TEX2: variants seen among roughly 807,000 people sequenced by gnomAD.
TEX2 encodes testis-expressed protein 2.
A neutral mutation model predicts 106.9 loss-of-function variants in TEX2; 53 were observed. The observed-to-expected ratio is 0.50, with a 90% CI of 0.40 to 0.62. The LOEUF (loss-of-function observed/expected upper bound fraction) is 0.62. Ranked by LOEUF, TEX2 falls within the 20% of genes least tolerant of loss-of-function variation. The pLI is 0.00. For missense variants in TEX2, 1,207 were observed against 1,379.0 expected (o/e 0.88, Z 1.98); for synonymous variants, 523 against 534.8 (o/e 0.98, Z 0.30).
At chr17:64,197,520 G>A (rs974096656) in intron 2 of TEX2, among the ~76,000 whole-genome samples, 11 of 151,660 alleles carry the variant, frequency 7.3e-5, no homozygotes, top group Admixed American at 2.6e-4. Context: ...CTTTCTTTTC[G>A]TATGTATGTA....
In TEX2 at chr17:64,214,214, T is replaced by C; in HGVS notation, c.4A>G (p.Thr2Ala). 6.2e-7 allele frequency: 1 copy of C among 1,610,552 alleles called. No individual in the cohort carries two copies. The highest frequency in any genetic ancestry group is 8.5e-7 in the Non-Finnish European group (1 of 1,177,032). The change falls in exon 2 of 12, where the codon ACA becomes GCA. Residue 2 changes from threonine to alanine, a missense_variant. This residue lies in a region of TEX2 where 1,067 missense variants were observed against 1,193.6 expected (regional missense o/e 0.89). Transcript: ENST00000584379. Reference sequence around the variant, plus strand: ...TCGGCATGGCGACCATACAGACTTGTCATTGCCGGCTTCACAAGGGCTCAG... The same window carrying C: ...TCGGCATGGCGACCATACAGACTTGCCATTGCCGGCTTCACAAGGGCTCAG... M[T>A]SLYGRHAEKT...
chr17:64,208,865 G>T (rs1261761501), intron 2 of TEX2, among the ~76,000 whole-genome samples: 1 of 152,152 alleles, frequency 6.6e-6, no homozygotes, highest in Non-Finnish European at 1.5e-5. Context: ...GGCTTCAGGT[G>T]ATCCTTCTGC....
intron 2 of TEX2, among the ~76,000 whole-genome samples, chr17:64,208,466 C>G (rs745343237): frequency 1.9e-4 from 29 of 152,006 alleles, no homozygotes; most frequent in Non-Finnish European, 3.5e-4. Flanking sequence ...TCTTGAACTC[C>G]TGACCTCAAG....
intron 7 of TEX2, among the ~76,000 whole-genome samples, chr17:64,161,551 A>G (rs1274990788): frequency 6.6e-6 from 1 of 152,208 alleles, no homozygotes; most frequent in Non-Finnish European, 1.5e-5. Flanking sequence ...TCCCAGGATT[A>G]TCCAGATACA....
intron 2 of TEX2, among the ~76,000 whole-genome samples, chr17:64,207,840 A>G (rs372243014): frequency 6.6e-6 from 1 of 150,792 alleles, no homozygotes; most frequent in Non-Finnish European, 1.5e-5. Flanking sequence ...GGTTCACGCC[A>G]TTCTCCTGCC....
intron 1 of TEX2, among the ~76,000 whole-genome samples, chr17:64,216,798 C>T (rs1363303645): frequency 6.6e-6 from 1 of 152,184 alleles, no homozygotes; most frequent in Non-Finnish European, 1.5e-5. Flanking sequence ...CTTGGGCCCC[C>T]TGACTGGCCA....
intron 5 of TEX2, among the ~76,000 whole-genome samples, chr17:64,180,140 C>CCTGG (rs926829412): frequency 9.9e-5 from 15 of 152,180 alleles, no homozygotes; most frequent in African/African-American, 3.6e-4. Context: ...GCAATGACCA[C>CCTGG]CTGGCCCCTC....
chr17:64,156,655 C>A (rs1243230995), intron 8 of TEX2, among the ~76,000 whole-genome samples: 1 of 152,226 alleles, frequency 6.6e-6, no homozygotes, highest in Non-Finnish European at 1.5e-5. Flanking sequence ...CCCCAAAGAT[C>A]ACACGCCCCT....
chr17:64,154,264 T>C (rs2030503409), intron 9 of TEX2, among the ~76,000 whole-genome samples: 1 of 152,380 alleles, frequency 6.6e-6, no homozygotes, highest in East Asian at 1.9e-4. Flanking sequence ...TGGCTTCTTT[T>C]AGTTTCTTCA....
At chr17:64,227,391 G>A (rs1465281875) in intron 1 of TEX2, among the ~76,000 whole-genome samples, 1 of 151,916 alleles carries the variant, frequency 6.6e-6, no homozygotes, top group Non-Finnish European at 1.5e-5. Flanking sequence ...AAAAAGGAGA[G>A]GGTAGCATTA....
intron 7 of TEX2, among the ~76,000 whole-genome samples, chr17:64,165,071 T>A (rs73992994): frequency 6.6e-6 from 1 of 152,160 alleles, no homozygotes; most frequent in African/African-American, 2.4e-5. Flanking sequence ...CCTGTAACTA[T>A]TAACAGCTGA....
intron 1 of TEX2, among the ~76,000 whole-genome samples, chr17:64,245,554 G>A (rs1405649971): frequency 6.6e-6 from 1 of 152,146 alleles, no homozygotes; most frequent in Non-Finnish European, 1.5e-5. Flanking sequence ...ATTGAACAAT[G>A]CCCTTAAAAA....
intron 1 of TEX2, among the ~76,000 whole-genome samples, chr17:64,227,865 G>T (rs1259180112): frequency 6.6e-6 from 1 of 152,168 alleles, no homozygotes; most frequent in African/African-American, 2.4e-5. Flanking sequence ...CATGATCCCT[G>T]GCACAGAGCA....
At chr17:64,228,566 C>T (rs934739350) in intron 1 of TEX2, among the ~76,000 whole-genome samples, 3 of 152,096 alleles carry the variant, frequency 2.0e-5, no homozygotes, top group Non-Finnish European at 2.9e-5. Flanking sequence ...AGAATCTGTG[C>T]CGCTACTGAT....
intron 1 of TEX2, among the ~76,000 whole-genome samples, chr17:64,235,899 A>G (rs2033756043): frequency 6.6e-6 from 1 of 152,140 alleles, no homozygotes; most frequent in South Asian, 2.1e-4. Context: ...TTACCGAGAC[A>G]CAAACAAGCT....
At chr17:64,237,907 C>A (rs1371110811) in intron 1 of TEX2, among the ~76,000 whole-genome samples, 1 of 152,144 alleles carries the variant, frequency 6.6e-6, no homozygotes, top group Non-Finnish European at 1.5e-5. Flanking sequence ...TTACAAATAA[C>A]CTACAACCAG....
intron 1 of TEX2, among the ~76,000 whole-genome samples, chr17:64,224,807 G>A (rs958641236): frequency 6.6e-6 from 1 of 151,934 alleles, no homozygotes; most frequent in Non-Finnish European, 1.5e-5. Flanking sequence ...AATACAATTA[G>A]AATTTTGCTT....
chr17:64,261,028 A>G (rs1284170940), intron 1 of TEX2, among the ~76,000 whole-genome samples: 2 of 152,232 alleles, frequency 1.3e-5, no homozygotes, highest in Non-Finnish European at 2.9e-5. Flanking sequence ...TTGAAGATTC[A>G]CTTTGATACT....
chr17:64,243,120 G>A (rs1384030640), intron 1 of TEX2, among the ~76,000 whole-genome samples: 1 of 151,780 alleles, frequency 6.6e-6, no homozygotes, highest in African/African-American at 2.4e-5. Flanking sequence ...GTAGAGACGG[G>A]ATTTCACCAT....
Sources: allele counts gnomAD v4.1 joint callset (sites outside exome capture counted in the v4.1 genomes callset), GRCh38; gene constraint gnomAD v4.1.1; regional missense constraint gnomAD v4.1.1; transcripts MANE v1.5; gene names NCBI Gene and HGNC (gene_info 2026-07-23, HGNC 2026-07-21).